Variants in CD300LG observed in about 807,000 individuals in gnomAD.
CD300LG encodes CD300 molecule like family member g, also known as CMRF35-like molecule 9.
In CD300LG, 29 loss-of-function variants were observed where a neutral mutation model predicts 31.5. The observed-to-expected ratio is 0.92, with a 90% CI of 0.68 to 1.25. The LOEUF (loss-of-function observed/expected upper bound fraction) is 1.25, where lower values mean the gene tolerates loss of function less well. CD300LG is among the 50% of genes most tolerant of loss of function. The pLI, the probability that CD300LG is intolerant of heterozygous loss-of-function variation, is 0.00. For synonymous variants in CD300LG, 175 were observed against 177.2 expected (o/e 0.99, Z 0.10); for missense variants, 396 against 417.6 (o/e 0.95, Z 0.45).
At chr17:43,856,429 A>G (rs529502709) in intron 5 of CD300LG, among the ~76,000 whole-genome samples, 1 of 152,108 alleles carries the variant, frequency 6.6e-6, no homozygotes, top group East Asian at 1.9e-4. Context: ...GAGTACACCC[A>G]TTTTCCAGGG....
intron 2 of CD300LG, among the ~76,000 whole-genome samples, 195 bp from the exon 3 acceptor site, chr17:43,852,717 C>T (rs1171564340): frequency 3.3e-5 from 5 of 152,166 alleles, no homozygotes; most frequent in African/African-American, 1.2e-4. Context: ...GAGCTAGGCG[C>T]GAGGCCAGGG....
At position 43,853,850 on chromosome 17, in the gene CD300LG, GA is replaced by G; in HGVS notation, c.527del (p.Lys176ArgfsTer81). The G allele has an allele frequency of 6.2e-7, 1 of 1,614,100 alleles. No individual in the cohort carries two copies. Among genetic ancestry groups the G allele is most frequent in the Non-Finnish European group, 8.5e-7 (1 of 1,179,990 alleles). ...CGGCAGCCACCACAGCCAAGCAGGG[GA>G]AGACAGGGGCTGAGGCCCCTCCATT... is the stretch of plus-strand genomic sequence containing the variant. ...YPAATTAKQG[K>X]TGAEAPPLPG... On this transcript the variant is annotated frameshift_variant, in exon 4 of 7. Coordinates refer to ENST00000317310, the MANE Select transcript of CD300LG (RefSeq NM_145273.4). LOFTEE classifies it high-confidence loss of function.
chr17:43,858,000 C>A, intron 6 of CD300LG: 1 of 1,476,414 alleles, frequency 6.8e-7, no homozygotes, highest in Non-Finnish European at 8.9e-7. Context: ...ACGGAGGGGG[C>A]TGCAGCATCG....
At chr17:43,858,758 C>T (rs1368005150) in intron 6 of CD300LG, 2 of 955,536 alleles carry the variant, frequency 2.1e-6, no homozygotes, top group Non-Finnish European at 2.5e-6. Flanking sequence ...TCTTTGTCCA[C>T]ATTCGGGTCA....
At chr17:43,848,930 G>A (rs548690727) in intron 2 of CD300LG, 37 bp downstream of exon 2, 2 of 1,565,278 alleles carry the variant, frequency 1.3e-6, no homozygotes, top group East Asian at 2.3e-5. Context: ...CTGGGGACAG[G>A]AGCTGCAGAG....
At chr17:43,857,469 C>G in intron 6 of CD300LG, 1 of 1,536,624 alleles carries the variant, frequency 6.5e-7, no homozygotes, top group African/African-American at 1.4e-5. Context: ...TTTAGAATCA[C>G]AGAACATCAG....
chr17:43,852,873 C>T (rs1567850173), intron 2 of CD300LG, 39 bp from the exon 3 acceptor site: 24 of 1,506,652 alleles, frequency 1.6e-5, no homozygotes, highest in African/African-American at 2.8e-5. Flanking sequence ...GGGTTCAGAG[C>T]GGTGCCACCC....
chr17:43,856,194 C>T (rs1024824675), intron 5 of CD300LG, among the ~76,000 whole-genome samples: 3 of 152,250 alleles, frequency 2.0e-5, no homozygotes, highest in African/African-American at 7.2e-5. Context: ...ATGAAAATAT[C>T]AATGATACAT....
chr17:43,855,300 G>A lies in CD300LG; in HGVS notation c.813G>A (p.Leu271=), dbSNP rs1215420925. ...AAGLIAFCSH[L]LLWRKEAQQA... is the part of the protein sequence containing the mutation. ...GCCTGATCGCCTTCTGCAGCCACCT[G>A]CTCCTGTGGAGAAAGGAAGGTGAGC... The change falls in exon 5 of 7, where the codon CTG becomes CTA. Residue 271 remains leucine (L), a synonymous_variant. Transcript: ENST00000317310. 6.3e-7 allele frequency: 1 copy of A among 1,592,972 alleles called. No homozygotes were observed. The highest frequency in any genetic ancestry group is 1.3e-5 in the African/African-American group (1 of 74,708).
At chr17:43,853,676 T>A (rs1394368184) in intron 3 of CD300LG, 131 bp from the exon 4 acceptor site, 9 of 702,498 alleles carry the variant, frequency 1.3e-5, no homozygotes, top group Non-Finnish European at 1.7e-5. Context: ...TACTGGGGTA[T>A]CCTTTAGCTG....
intron 6 of CD300LG, chr17:43,858,557 A>G (rs528313206): frequency 2.0e-6 from 2 of 985,324 alleles, no homozygotes; most frequent in Non-Finnish European, 2.4e-6. Context: ...CAGGGCCAGC[A>G]GGCAGAGGGG....
chr17:43,848,230 A>G (rs1001562870), intron 1 of CD300LG, among the ~76,000 whole-genome samples: 1 of 152,090 alleles, frequency 6.6e-6, no homozygotes, highest in Non-Finnish European at 1.5e-5. Context: ...CGGCAAAGTG[A>G]GACTCCATCT....
chr17:43,851,461 G>A (rs143921931), intron 2 of CD300LG, among the ~76,000 whole-genome samples: 2 of 152,040 alleles, frequency 1.3e-5, no homozygotes, highest in Admixed American at 1.3e-4. Flanking sequence ...TTTTTGGATA[G>A]GGGATACTCA....
At chr17:43,858,648 G>A (rs748051640) in intron 6 of CD300LG, 43 of 985,336 alleles carry the variant, frequency 4.4e-5, no homozygotes, top group Non-Finnish European at 4.8e-5. Context: ...CTGTAAACAC[G>A]ATCAGGTGGG....
chr17:43,848,907 C>T lies in CD300LG; in HGVS notation c.379+14C>T, dbSNP rs1438144869. 3.1e-6 allele frequency: 5 copies of T among 1,601,354 alleles called. No individual in the cohort carries two copies. In the South Asian group the frequency reaches 3.3e-5, roughly 11 times the overall value. The stretch of plus-strand genomic sequence containing the variant: ...TCGTCTTTCCAGGTAACAGATATCT[C>T]TCCTTCCCCAGGCTGGGGACAGGAG... On this transcript the variant is annotated intron_variant, in intron 2 of 6. Coordinates refer to ENST00000317310, the MANE Select transcript of CD300LG (RefSeq NM_145273.4).
intron 4 of CD300LG, 79 bp from the exon 5 acceptor site, chr17:43,855,128 C>T: frequency 1.2e-6 from 1 of 828,330 alleles, no homozygotes; most frequent in East Asian, 3.6e-5. Flanking sequence ...CTTTCTCAGC[C>T]TGTGCCTGGG....
intron 2 of CD300LG, among the ~76,000 whole-genome samples, chr17:43,850,184 C>T (rs995022786): frequency 1.3e-5 from 2 of 152,194 alleles, no homozygotes; most frequent in African/African-American, 4.8e-5. Context: ...AAATGTTTAA[C>T]AGGCTGGGGA....
At chr17:43,857,930 G>A in intron 6 of CD300LG, 3 of 1,534,374 alleles carry the variant, frequency 2.0e-6, no homozygotes, top group Non-Finnish European at 2.6e-6. Context: ...CTGGAGCTGG[G>A]AACCTGCCCC....
intron 6 of CD300LG, among the ~76,000 whole-genome samples, chr17:43,860,805 A>C (rs563600066): frequency 1.3e-5 from 2 of 152,368 alleles, no homozygotes; most frequent in Non-Finnish European, 2.9e-5. Flanking sequence ...ATAGAAAATA[A>C]TGAAAACAAA....
Sources: gnomAD v4.1 joint callset for allele counts (sites outside exome capture counted in the v4.1 genomes callset) on GRCh38, gnomAD v4.1.1 for gene constraint, MANE v1.5 for transcripts, NCBI Gene and HGNC (gene_info 2026-07-23, HGNC 2026-07-21) for gene names.